Variants in FREM2 observed in about 807,000 individuals in gnomAD.
FREM2 encodes FRAS1-related extracellular matrix protein 2.
FREM2 carries 119 observed loss-of-function variants against 219.9 expected under a neutral mutation model. The ratio of observed to expected loss-of-function variants is 0.54; its 90% CI spans 0.47 to 0.63. The LOEUF is 0.63. Ranked by LOEUF, FREM2 falls within the 30% of genes least tolerant of loss-of-function variation. The pLI is 0.00. For missense variants in FREM2, 4,030 were observed against 3,993.6 expected, an observed-to-expected ratio of 1.01 and a Z score of -0.25; for synonymous variants, 1,562 against 1,522.8, an observed-to-expected ratio of 1.03 and a Z score of -0.60.
intron 2 of FREM2, among the ~76,000 whole-genome samples, chr13:38,748,425 C>T (rs947191492): frequency 1.3e-5 from 2 of 152,152 alleles, no homozygotes; most frequent in East Asian, 1.9e-4. Flanking sequence ...ATATGACAAA[C>T]GAAAATTATG....
intron 6 of FREM2, among the ~76,000 whole-genome samples, chr13:38,809,547 A>G (rs1020161226): frequency 1.3e-5 from 2 of 152,052 alleles, no homozygotes; most frequent in South Asian, 2.1e-4. Context: ...CTGCATATGA[A>G]TATTCAGTTT....
In FREM2 at chr13:38,856,135, T is replaced by A. The variant is rs1303358402; in HGVS notation, c.6935T>A (p.Phe2312Tyr). 1 of 1,608,960 alleles carries A rather than the reference T, an allele frequency of 6.2e-7. No homozygotes were observed. Among genetic ancestry groups the A allele is most frequent in the Non-Finnish European group, 8.5e-7 (1 of 1,175,964 alleles). Residue 2312 changes from phenylalanine to tyrosine, a missense_variant, in exon 12 of 24, where the codon TTT becomes TAT. Coordinates refer to ENST00000280481, the MANE Select transcript of FREM2 (RefSeq NM_207361.6). ...DYHPVSEEIE[F>Y]KEGETQHVVE... ...GATGTTACATTTGTAGAAATTGAGT[T>A]TAAGGAAGGGGAAACCCAGCACGTG... is the stretch of plus-strand genomic sequence containing the variant.
chr13:38,783,200 C>G lies in FREM2; in HGVS notation c.5767+5C>G. The G allele has an allele frequency of 6.2e-7, 1 of 1,613,990 alleles. No homozygotes were observed. The highest frequency in any genetic ancestry group is 8.5e-7 in the Non-Finnish European group (1 of 1,179,914). On this transcript the variant is annotated splice_donor_5th_base_variant and intron_variant, in intron 5 of 23. Coordinates refer to ENST00000280481, the MANE Select transcript of FREM2 (RefSeq NM_207361.6). The stretch of plus-strand genomic sequence containing the variant: ...TGGTCTGTTATACCCAACAAGGTAG[C>G]TCGATTTGCCGAAAAACTAAGATAA...
chr13:38,847,786 CT>C (rs920551422), intron 7 of FREM2, among the ~76,000 whole-genome samples: 2 of 152,110 alleles, frequency 1.3e-5, no homozygotes, highest in African/African-American at 4.8e-5. Context: ...CACTGTCAAT[CT>C]TTGTGGATGT....
chr13:38,773,400 T>A (rs1214558795), intron 4 of FREM2, among the ~76,000 whole-genome samples: 1 of 151,716 alleles, frequency 6.6e-6, no homozygotes, highest in Non-Finnish European at 1.5e-5. Context: ...CACACCCCCT[T>A]TTTTTTTCGA....
At chr13:38,839,635 C>A (rs1876868794) in intron 6 of FREM2, among the ~76,000 whole-genome samples, 1 of 152,186 alleles carries the variant, frequency 6.6e-6, no homozygotes, top group Non-Finnish European at 1.5e-5. Flanking sequence ...TGCAGCCTTT[C>A]TTTCAGAGAT....
At chr13:38,749,442 T>A (rs1161375230) in intron 2 of FREM2, among the ~76,000 whole-genome samples, 1 of 152,208 alleles carries the variant, frequency 6.6e-6, no homozygotes, top group African/African-American at 2.4e-5. Context: ...TAAGAAAACA[T>A]GAATTACCAA....
chr13:38,756,591 G>C (rs1873011584), intron 2 of FREM2, among the ~76,000 whole-genome samples: 1 of 143,704 alleles, frequency 7.0e-6, no homozygotes, highest in African/African-American at 2.6e-5. Context: ...GCAGTGGCGC[G>C]ATCTTGGATC....
At chr13:38,822,176 T>G (rs1206953552) in intron 6 of FREM2, 1 of 151,976 alleles carries the variant, frequency 6.6e-6, no homozygotes, top group East Asian at 1.9e-4. Flanking sequence ...ATATAGGTAT[T>G]GTGAGAGGAA....
intron 2 of FREM2, among the ~76,000 whole-genome samples, chr13:38,745,951 G>A (rs183504155): frequency 4.6e-5 from 7 of 152,116 alleles, no homozygotes; most frequent in Non-Finnish European, 8.8e-5. Context: ...TTCCAGTATC[G>A]TACCCTTTCT....
chr13:38,876,603 T>C (rs1878350374), intron 20 of FREM2, among the ~76,000 whole-genome samples: 1 of 152,214 alleles, frequency 6.6e-6, no homozygotes, highest in Non-Finnish European at 1.5e-5. Context: ...TTTAAATGTA[T>C]GCAATGGTTA....
intron 16 of FREM2, among the ~76,000 whole-genome samples, chr13:38,870,857 A>G (rs891058672): frequency 6.6e-6 from 1 of 152,258 alleles, no homozygotes; most frequent in Non-Finnish European, 1.5e-5. Context: ...CATTTGATGG[A>G]TAGAATATAA....
At chr13:38,859,682 C>T in intron 14 of FREM2, 92 bp downstream of exon 14, 1 of 1,149,910 alleles carries the variant, frequency 8.7e-7, no homozygotes, top group South Asian at 1.3e-5. Context: ...TCCAATGTCC[C>T]ACATATTCCA....
chr13:38,858,147 T>C, intron 13 of FREM2, 114 bp downstream of exon 13: 1 of 938,792 alleles, frequency 1.1e-6, no homozygotes, highest in South Asian at 1.4e-5. Flanking sequence ...AAATACTACA[T>C]GGTTTAAGCC....
chr13:38,812,707 C>A (rs925086996), intron 6 of FREM2, among the ~76,000 whole-genome samples: 1 of 151,794 alleles, frequency 6.6e-6, no homozygotes, highest in African/African-American at 2.4e-5. Flanking sequence ...ATGGTGAAAC[C>A]CTGTCTCTAC....
chr13:38,768,362 C>T (rs1423580651), intron 3 of FREM2, among the ~76,000 whole-genome samples: 1 of 152,164 alleles, frequency 6.6e-6, no homozygotes, highest in Non-Finnish European at 1.5e-5. Context: ...TCACTACAGT[C>T]TTGACCTCCT....
At chr13:38,829,285 C>A (rs1274128916) in intron 6 of FREM2, among the ~76,000 whole-genome samples, 1 of 152,084 alleles carries the variant, frequency 6.6e-6, no homozygotes, top group Non-Finnish European at 1.5e-5. Context: ...TGATAGCTGG[C>A]TGTTGATAGT....
At chr13:38,822,779 G>A (rs1487691025) in intron 6 of FREM2, among the ~76,000 whole-genome samples, 9 of 152,102 alleles carry the variant, frequency 5.9e-5, no homozygotes, top group African/African-American at 1.2e-4. Context: ...ACAAATCAAC[G>A]CTTTGCAGTA....
rs1467791635 is a variant in FREM2 at position 38,769,710 on chromosome 13, A to C, written c.5543A>C (p.Glu1848Ala). The change falls in exon 4 of 24, where the codon GAG becomes GCG. Residue 1848 changes from glutamate to alanine, a missense_variant. Physicochemically the swap from Glu to Ala is moderately radical, Grantham distance 107 (BLOSUM62 -1). Transcript: ENST00000280481. ...CGGATCCTGAGTGATGGGGAGCATGAGCAGTCTGAAACCTTTCAGGTGGTA... is the reference window on the plus strand; with the variant it reads ...CGGATCCTGAGTGATGGGGAGCATGCGCAGTCTGAAACCTTTCAGGTGGTA... ...RVRILSDGEH[E>A]QSETFQVVLS... The C allele has an allele frequency of 1.9e-6, 3 of 1,614,030 alleles. No homozygotes were observed. In the African/African-American group the frequency reaches 4.0e-5, roughly 22 times the overall value.
Sources: gnomAD v4.1 joint callset for allele counts (sites outside exome capture counted in the v4.1 genomes callset) on GRCh38, gnomAD v4.1.1 for gene constraint, MANE v1.5 for transcripts, NCBI Gene and HGNC (gene_info 2026-07-23, HGNC 2026-07-21) for gene names.